Variants in SEMA6D observed in about 807,000 individuals in gnomAD.
SEMA6D encodes semaphorin 6D, also known as semaphorin-6D.
SEMA6D carries 35 observed loss-of-function variants against 106.6 expected under a neutral mutation model. That is an observed-to-expected ratio of 0.33 (90% CI 0.25 to 0.44). SEMA6D has a LOEUF of 0.44. SEMA6D is among the 20% of genes least tolerant of loss of function. The probability of loss-of-function intolerance (pLI) is 1.00; values close to 1 mark genes in which losing one functional copy is unlikely to be tolerated. For missense variants in SEMA6D, 1,185 were observed against 1,345.9 expected (o/e 0.88, Z 1.87); for synonymous variants, 499 against 487.7 (o/e 1.02, Z -0.31).
At position 47,590,967 on chromosome 15, in the gene SEMA6D, G is replaced by A. The variant is rs78819571; in HGVS notation, c.-86-9898G>A. Among the ~76,000 whole-genome samples the A allele has an allele frequency of 7.4e-3, 1,126 of 152,326 alleles. 6 individuals are homozygous for A. Among genetic ancestry groups the A allele is most frequent in the Non-Finnish European group, 0.012 (834 of 68,018 alleles). ...TCTCATACAATTGCAATGAGATCTT[G>A]ACATGGGCTGGAATTAACTTGTCTT... On this transcript the variant is annotated intron_variant, in intron 3 of 19. Coordinates refer to the SEMA6D transcript ENST00000558014.
At chr15:47,588,355 T>C (rs897170676) in intron 3 of SEMA6D, among the ~76,000 whole-genome samples, 1 of 152,132 alleles carries the variant, frequency 6.6e-6, no homozygotes, top group African/African-American at 2.4e-5. Context: ...CCCTATCTTT[T>C]AGAGAGTAGA....
At chr15:47,698,456 G>A (rs1401293183) in intron 4 of SEMA6D, among the ~76,000 whole-genome samples, 1 of 152,256 alleles carries the variant, frequency 6.6e-6, no homozygotes, top group Non-Finnish European at 1.5e-5. Context: ...TCAAGGCATG[G>A]CTTCCAGGCT....
intron 4 of SEMA6D, among the ~76,000 whole-genome samples, chr15:47,710,429 A>C (rs987119003): frequency 4.6e-5 from 7 of 152,228 alleles, no homozygotes; most frequent in Non-Finnish European, 1.0e-4. Context: ...ATTCTTAATT[A>C]AAATTTGTGA....
chr15:47,246,148 T>TA (rs1361254726), intron 1 of SEMA6D, among the ~76,000 whole-genome samples: 2 of 152,066 alleles, frequency 1.3e-5, no homozygotes, highest in Non-Finnish European at 2.9e-5. Context: ...AGACTTAAAA[T>TA]AAAAAATGTA....
intron 4 of SEMA6D, among the ~76,000 whole-genome samples, chr15:47,688,417 A>G (rs1807875940): frequency 1.3e-5 from 2 of 152,244 alleles, no homozygotes; most frequent in South Asian, 4.1e-4. Context: ...AAATTCTTCA[A>G]ATATTAAAAG....
chr15:47,372,298 C>T (rs1481899132), intron 1 of SEMA6D, among the ~76,000 whole-genome samples: 3 of 152,240 alleles, frequency 2.0e-5, no homozygotes, highest in South Asian at 4.1e-4. Flanking sequence ...AGCCTCTCCT[C>T]ATCTTCAGGC....
chr15:47,657,719 C>CTTTTTTTTTTTTTTTTTTTTTTT lies in SEMA6D; in HGVS notation c.-55+56841_-55+56863dup, dbSNP rs71118191. 5.5e-5 allele frequency among the ~76,000 whole-genome samples: 3 copies of CTTTTTTTTTTTTTTTTTTTTTTT among 54,654 alleles called. 1 individual carries two copies. Among genetic ancestry groups the CTTTTTTTTTTTTTTTTTTTTTTT allele is most frequent in the Non-Finnish European group, 9.5e-5 (3 of 31,610 alleles). The allele number at this position is 54,654 out of a possible 152,430, so 35.9% of individuals were successfully genotyped here. On this transcript the variant is annotated intron_variant, in intron 4 of 19. Transcript: ENST00000558014. ...CATTTAGTGACAGAGGGCTTCATTT[C>CTTTTTTTTTTTTTTTTTTTTTTT]TTTTTTTTTTTTTTTTTTTTTTTTT...
At chr15:47,349,837 A>G (rs499491) in intron 1 of SEMA6D, among the ~76,000 whole-genome samples, 71,029 of 152,060 alleles carry the variant, frequency 0.47, 19,710 homozygotes, top group South Asian at 0.61. Flanking sequence ...TTATTACTAC[A>G]TGGAGATAAA....
intron 1 of SEMA6D, among the ~76,000 whole-genome samples, chr15:47,402,420 A>G (rs975066429): frequency 2.6e-5 from 4 of 152,210 alleles, no homozygotes; most frequent in African/African-American, 9.6e-5. Context: ...TATTAGGACA[A>G]TGGCTCTTCA....
intron 1 of SEMA6D, among the ~76,000 whole-genome samples, chr15:47,736,497 C>T (rs551934267): frequency 5.3e-5 from 8 of 152,204 alleles, no homozygotes; most frequent in African/African-American, 1.7e-4. Flanking sequence ...TTTATGAAAA[C>T]ACAGATTTAC....
chr15:47,755,951 C>T (rs947019655), intron 1 of SEMA6D, among the ~76,000 whole-genome samples: 5 of 151,814 alleles, frequency 3.3e-5, no homozygotes, highest in African/African-American at 9.7e-5. Flanking sequence ...GACTAAGCTC[C>T]ATGTACCTCC....
chr15:47,770,487 T>A lies in SEMA6D; in HGVS notation c.1934-10T>A. On this transcript the variant is annotated splice_polypyrimidine_tract_variant and intron_variant, in intron 18 of 18. Coordinates refer to ENST00000536845, the MANE Select transcript of SEMA6D (RefSeq NM_001358351.3). ...CACCTTATTCACATTGTCCCATGTG[T>A]CTATTTCAGGTGTACGATGGGAAGT... is the stretch of plus-strand genomic sequence containing the variant. The A allele has an allele frequency of 6.4e-7, 1 of 1,569,860 alleles. No individual in the cohort carries two copies. Among genetic ancestry groups the A allele is most frequent in the Non-Finnish European group, 8.7e-7 (1 of 1,153,826 alleles).
chr15:47,682,884 G>T (rs1227863702), intron 4 of SEMA6D, among the ~76,000 whole-genome samples: 3 of 152,178 alleles, frequency 2.0e-5, no homozygotes, highest in Non-Finnish European at 4.4e-5. Context: ...AACACCATTT[G>T]AGAGAAGAGG....
At chr15:47,304,932 T>C (rs1194234973) in intron 1 of SEMA6D, among the ~76,000 whole-genome samples, 2 of 152,184 alleles carry the variant, frequency 1.3e-5, no homozygotes, top group Admixed American at 1.3e-4. Flanking sequence ...GAAGCAAAGC[T>C]GAAAGACTCA....
intron 2 of SEMA6D, among the ~76,000 whole-genome samples, chr15:47,422,427 C>T (rs1399131607): frequency 6.6e-6 from 1 of 151,922 alleles, no homozygotes; most frequent in Non-Finnish European, 1.5e-5. Flanking sequence ...GTTGGGTATT[C>T]CATGTCATTT....
At chr15:47,398,239 A>G (rs1305026576) in intron 1 of SEMA6D, among the ~76,000 whole-genome samples, 1 of 152,220 alleles carries the variant, frequency 6.6e-6, no homozygotes, top group Non-Finnish European at 1.5e-5. Context: ...TTTCCAATCT[A>G]GCTTTACTCC....
intron 1 of SEMA6D, among the ~76,000 whole-genome samples, chr15:47,749,517 A>G (rs1361552473): frequency 6.6e-6 from 1 of 152,196 alleles, no homozygotes; most frequent in Non-Finnish European, 1.5e-5. Flanking sequence ...TTGAAAGTTA[A>G]GTAACATGCC....
At chr15:47,762,071 G>T in intron 7 of SEMA6D, 129 bp from the exon 8 acceptor site, 1 of 999,594 alleles carries the variant, frequency 1.0e-6, no homozygotes, top group South Asian at 1.5e-5. Context: ...TGAGAATCAG[G>T]TGTAGCCCTA....
chr15:47,685,353 G>A (rs767214203), intron 4 of SEMA6D, among the ~76,000 whole-genome samples: 7 of 152,184 alleles, frequency 4.6e-5, no homozygotes, highest in African/African-American at 7.2e-5. Flanking sequence ...GAGAGAAGGG[G>A]GATGAGGCAG....
Sources: allele counts gnomAD v4.1 joint callset (sites outside exome capture counted in the v4.1 genomes callset), GRCh38; gene constraint gnomAD v4.1.1; transcripts MANE v1.5; gene names NCBI Gene and HGNC (gene_info 2026-07-23, HGNC 2026-07-21).